The following PLK3 variants were observed in gnomAD, a reference collection of about 807,000 sequenced individuals.
PLK3 encodes the protein serine/threonine-protein kinase PLK3.
In PLK3, 41 loss-of-function variants were observed where a neutral mutation model predicts 71.6. The observed-to-expected ratio is 0.57, with a 90% confidence interval of 0.45 to 0.74. The LOEUF (loss-of-function observed/expected upper bound fraction) is 0.74, where lower values mean the gene tolerates loss of function less well. PLK3 is among the 30% of genes least tolerant of loss of function. PLK3 has a pLI of 0.00. For synonymous variants in PLK3, 366 were observed against 355.4 expected (o/e 1.03, Z -0.33); for missense variants, 791 against 875.6 (o/e 0.90, Z 1.22).
At position 44,803,833 on chromosome 1, in the gene PLK3, C is replaced by T. The variant is rs1651920093; in HGVS notation, c.1165-98C>T. On this transcript the variant is annotated intron_variant, in intron 9 of 14. Transcript: ENST00000372201. This position sits in a 1 kb window ranked among gnomAD's most constrained non-coding sequence, Gnocchi z 4.3. ...TGTGTCACCAGCCTGGCGGGGCTGA[C>T]CTGGGGTGCCCTGGGAGCCAGGGCA... is the stretch of plus-strand genomic sequence containing the variant. 1.8e-6 allele frequency: 2 copies of T among 1,135,290 alleles called. No homozygotes were observed. Among genetic ancestry groups the T allele is most frequent in the African/African-American group, 1.5e-5 (1 of 65,074 alleles). 70.3% of individuals were successfully genotyped at this position (1,135,290 alleles called of 1,614,324 possible).
chr1:44,804,925 G>T, intron 13 of PLK3, 146 bp downstream of exon 13: 1 of 733,560 alleles, frequency 1.4e-6, no homozygotes, highest in South Asian at 1.7e-5. Flanking sequence ...CTAACAAGGT[G>T]AAACCCCGTC....
In PLK3 at chr1:44,801,616, C is replaced by T. The variant is rs1651832254; in HGVS notation, c.436-6C>T. 6.2e-7 allele frequency: 1 copy of T among 1,613,048 alleles called. No homozygotes were observed. Among genetic ancestry groups the T allele is most frequent in the Non-Finnish European group, 8.5e-7 (1 of 1,179,696 alleles). On this transcript the variant is annotated splice_region_variant and splice_polypyrimidine_tract_variant and intron_variant, in intron 3 of 14. Transcript: ENST00000372201. ...CACCAGGGGCTGAGGCAGTGGCTCT[C>T]TGCAGTCCCTGGCCCACATCTGGAA... is the stretch of plus-strand genomic sequence containing the variant.
At position 44,803,345 on chromosome 1, in the gene PLK3, T is replaced by C; in HGVS notation, c.1026T>C (p.Ser342=). 1 of 1,613,496 alleles carries C rather than the reference T, an allele frequency of 6.2e-7. No individual in the cohort carries two copies. Among genetic ancestry groups the C allele is most frequent in the Non-Finnish European group, 8.5e-7 (1 of 1,179,900 alleles). ...TGACACCCCCCAACCCAGCTAGGAGTCTGTTTGCCAAAGTTACCAAGAGCC... is the reference window on the plus strand; with the variant it reads ...TGACACCCCCCAACCCAGCTAGGAGCCTGTTTGCCAAAGTTACCAAGAGCC... ...PDLTPPNPAR[S]LFAKVTKSLF... The change falls in exon 8 of 15, where the codon AGT becomes AGC. Residue 342 remains serine (S), a synonymous_variant. Coordinates refer to ENST00000372201, the MANE Select transcript of PLK3 (RefSeq NM_004073.4). This position sits in a 1 kb window ranked among gnomAD's most constrained non-coding sequence, Gnocchi z 4.3.
Position 44,800,574 on chromosome 1 carries a change from G to A in PLK3, c.111G>A (p.Glu37=), listed in dbSNP as rs568357012. The A allele has an allele frequency of 5.9e-6, 9 of 1,534,628 alleles. No individual in the cohort carries two copies. Among genetic ancestry groups the A allele is most frequent in the African/African-American group, 4.1e-5 (3 of 72,456 alleles). The change falls in exon 1 of 15, where the codon GAG becomes GAA. Residue 37 remains glutamate (E), a synonymous_variant. Transcript: ENST00000372201. This position sits in a 1 kb window ranked among gnomAD's most constrained non-coding sequence, Gnocchi z 6.5. ...CTCCGAGTGCCTTGCGCGGACCTGA[G>A]CTGGAGATGCTGGCCGGGCTACCGA... The part of the protein sequence containing the change: ...GPPPSALRGP[E]LEMLAGLPTS...
Position 44,803,273 on chromosome 1 carries a change from C to A in PLK3, c.954C>A (p.Tyr318Ter). 6.2e-7 allele frequency: 1 copy of A among 1,614,098 alleles called. No homozygotes were observed. The change falls in exon 8 of 15, where the codon TAC becomes TAA. Residue 318 changes from tyrosine to a stop codon, truncating the protein, a stop_gained. Transcript: ENST00000372201. LOFTEE classifies it high-confidence loss of function. The surrounding 1 kb of genome is among the most constrained non-coding windows in gnomAD (Gnocchi z 4.3). ...CACATGGTTCCCCTCCCTAGGGCTA[C>A]ACCCCCGATCGACTCCCTATCAGCA... is the stretch of plus-strand genomic sequence containing the variant. ...ILRHDFFTKG[Y>*]TPDRLPISSC...
At chr1:44,801,357 G>A (rs1651824451) in intron 3 of PLK3, among the ~76,000 whole-genome samples, 1 of 151,896 alleles carries the variant, frequency 6.6e-6, no homozygotes. Context: ...TTACAGGCAT[G>A]CACCACCACG....
Position 44,803,698 on chromosome 1 carries a change from C to T in PLK3, c.1164+7C>T, listed in dbSNP as rs1038790048. ...TCAGGATGCCAGGCCAGAGGTGAGGCGCTCAGGTGGACACTGTTCCCCTGA... is the reference window on the plus strand; with the variant it reads ...TCAGGATGCCAGGCCAGAGGTGAGGTGCTCAGGTGGACACTGTTCCCCTGA... On this transcript the variant is annotated splice_region_variant and intron_variant, in intron 9 of 14. Transcript: ENST00000372201. The surrounding 1 kb of genome is among the most constrained non-coding windows in gnomAD (Gnocchi z 4.3). The T allele has an allele frequency of 3.7e-6, 6 of 1,601,176 alleles. No homozygotes were observed. The highest frequency in any genetic ancestry group is 5.1e-6 in the Non-Finnish European group (6 of 1,170,496).
chr1:44,800,970 AG>A lies in PLK3; in HGVS notation c.318+27del, dbSNP rs753160403. 19 of 1,607,854 alleles carry A rather than the reference AG, an allele frequency of 1.2e-5. No homozygotes were observed. The highest frequency in any genetic ancestry group is 1.7e-4 in the Middle Eastern group (1 of 6,056). ...AAGGTGGGTCCAGGCTCAGCGGGCGAGGGGTGGGGTGGGGACGGTGGCATGG... is the reference window on the plus strand; with the variant it reads ...AAGGTGGGTCCAGGCTCAGCGGGCGAGGGTGGGGTGGGGACGGTGGCATGG... On this transcript the variant is annotated intron_variant, in intron 2 of 14. Transcript: ENST00000372201. The surrounding 1 kb of genome is among the most constrained non-coding windows in gnomAD (Gnocchi z 6.5).
Position 44,802,705 on chromosome 1 carries a change from G to A in PLK3, c.654-55G>A, listed in dbSNP as rs1338429009. 1.5e-5 allele frequency: 18 copies of A among 1,215,544 alleles called. No homozygotes were observed. In the Admixed American group the frequency reaches 1.5e-4, roughly 10 times the overall value. The allele number at this position is 1,215,544 out of a possible 1,614,324, so 75.3% of individuals were successfully genotyped here. On this transcript the variant is annotated intron_variant, in intron 5 of 14. Transcript: ENST00000372201. ...TGGACTAACAGTGGGGGAAGGAGTC[G>A]GGGGGCTGCTGGGCTGGGTCTCAGC...
Position 44,805,683 on chromosome 1 carries a change from C to T in PLK3, c.*5C>T, listed in dbSNP as rs1311188668. 1 of 1,610,252 alleles carries T rather than the reference C, an allele frequency of 6.2e-7. No individual in the cohort carries two copies. Among genetic ancestry groups the T allele is most frequent in the East Asian group, 2.2e-5 (1 of 44,892 alleles). ...CGGGACCGCAGCCCAGCCTAGGACCCAAGCCCTGAGGCCTGAGGCCTGTGC... is the reference window on the plus strand; with the variant it reads ...CGGGACCGCAGCCCAGCCTAGGACCTAAGCCCTGAGGCCTGAGGCCTGTGC... On this transcript the variant is annotated 3_prime_UTR_variant, in exon 15 of 15. Coordinates refer to ENST00000372201, the MANE Select transcript of PLK3 (RefSeq NM_004073.4).
chr1:44,801,824 C>T, intron 4 of PLK3, 21 bp from the exon 5 acceptor site: 2 of 1,611,470 alleles, frequency 1.2e-6, no homozygotes, highest in South Asian at 2.2e-5. Context: ...GAATCTGACA[C>T]ACCTCTCTTG....
chr1:44,803,990 C>T lies in PLK3; in HGVS notation c.1224C>T (p.Ser408=), dbSNP rs755669747. The change falls in exon 10 of 15, where the codon AGC becomes AGT. Residue 408 remains serine (S), a synonymous_variant. Transcript: ENST00000372201. The surrounding 1 kb of genome is among the most constrained non-coding windows in gnomAD (Gnocchi z 4.3). ...TGGTAGAGACAGCACCTGAAGACAG[C>T]TCACCCCGTGGGACACTGGCAAGCA... ...VSLVETAPED[S]SPRGTLASSG... 1 of 1,553,738 alleles carries T rather than the reference C, an allele frequency of 6.4e-7. No individual in the cohort carries two copies. Among genetic ancestry groups the T allele is most frequent in the South Asian group, 1.2e-5 (1 of 84,670 alleles).
chr1:44,803,906 T>C lies in PLK3; in HGVS notation c.1165-25T>C, dbSNP rs762893687. The C allele has an allele frequency of 2.6e-6, 4 of 1,511,032 alleles. No homozygotes were observed. In the African/African-American group the frequency reaches 4.2e-5, roughly 16 times the overall value. The allele number at this position is 1,511,032 out of a possible 1,614,324, so 93.6% of individuals were successfully genotyped here. ...GTTTGGATTTTGGGGCCTGTGTCAC[T>C]CCCTTTCCCTGCCCAACCCTCCAGG... On this transcript the variant is annotated intron_variant, in intron 9 of 14. Transcript: ENST00000372201. The surrounding 1 kb of genome is among the most constrained non-coding windows in gnomAD (Gnocchi z 4.3).
At position 44,805,812 on chromosome 1, in the gene PLK3, G is replaced by A; in HGVS notation, c.*134G>A. The A allele has an allele frequency of 1.5e-6, 2 of 1,298,294 alleles. No individual in the cohort carries two copies. The highest frequency in any genetic ancestry group is 1.0e-6 in the Non-Finnish European group (1 of 963,092). The allele number at this position is 1,298,294 out of a possible 1,614,324, so 80.4% of individuals were successfully genotyped here. ...CAGGGAATCAGGGACCAGCTTTACTGGAGTTGGGGGCGGCTTGTCTTCGCT... is the reference window on the plus strand; with the variant it reads ...CAGGGAATCAGGGACCAGCTTTACTAGAGTTGGGGGCGGCTTGTCTTCGCT... On this transcript the variant is annotated 3_prime_UTR_variant, in exon 15 of 15. Transcript: ENST00000372201.
Position 44,803,014 on chromosome 1 carries a change from G to T in PLK3, c.809G>T (p.Arg270Leu). The T allele has an allele frequency of 6.2e-7, 1 of 1,614,004 alleles. No individual in the cohort carries two copies. Among genetic ancestry groups the T allele is most frequent in the Non-Finnish European group, 8.5e-7 (1 of 1,179,978 alleles). ...ACGGCTGACCTGAAGGAGACGTACCGCTGCATCAAGCAGGTTCACTACACG... is the reference window on the plus strand; with the variant it reads ...ACGGCTGACCTGAAGGAGACGTACCTCTGCATCAAGCAGGTTCACTACACG... ...FETADLKETY[R>L]CIKQVHYTLP... Residue 270 changes from arginine (R) to leucine (L), a missense_variant, in exon 7 of 15, where the codon CGC (arginine) becomes CTC (leucine). Physicochemically the swap from Arg to Leu is moderately radical, Grantham distance 102 (BLOSUM62 -2). Coordinates refer to ENST00000372201, the MANE Select transcript of PLK3 (RefSeq NM_004073.4). This position sits in a 1 kb window ranked among gnomAD's most constrained non-coding sequence, Gnocchi z 4.3.
rs756820759 is a variant in PLK3, at chr1:44,803,998, G to A, written c.1232G>A (p.Arg411His). ...ACAGCACCTGAAGACAGCTCACCCCGTGGGACACTGGCAAGCAGTGGAGAT... is the reference window on the plus strand; with the variant it reads ...ACAGCACCTGAAGACAGCTCACCCCATGGGACACTGGCAAGCAGTGGAGAT... ...VETAPEDSSP[R>H]GTLASSGDGF... The change falls in exon 10 of 15, where the codon CGT (arginine) becomes CAT (histidine). Residue 411 changes from arginine (R) to histidine (H), a missense_variant. Arg to His is a conservative substitution (Grantham distance 29). Transcript: ENST00000372201. This position sits in a 1 kb window ranked among gnomAD's most constrained non-coding sequence, Gnocchi z 4.3. The A allele has an allele frequency of 1.9e-5, 29 of 1,554,384 alleles. No individual in the cohort carries two copies. The highest frequency in any genetic ancestry group is 5.9e-5 in the Admixed American group (3 of 51,188).
At chr1:44,802,706 G>C (rs1557622590) in intron 5 of PLK3, 54 bp from the exon 6 acceptor site, 1 of 1,236,398 alleles carries the variant, frequency 8.1e-7, no homozygotes, top group Non-Finnish European at 1.2e-6. Context: ...GAAGGAGTCG[G>C]GGGGCTGCTG....
rs778751490 is a variant in PLK3, at chr1:44,805,609, C to A, written c.1872C>A (p.Gly624=). ...TCGCTTCCCACCTTCGGCAGCTGGG[C>A]TGCTCTCCAGACCTGCGGCAGCGAC... is the stretch of plus-strand genomic sequence containing the variant. ...TYLASHLRQL[G]CSPDLRQRLR... The change falls in exon 15 of 15, where the codon GGC becomes GGA. Residue 624 remains glycine, a synonymous_variant. Coordinates refer to ENST00000372201, the MANE Select transcript of PLK3 (RefSeq NM_004073.4). 3.6e-5 allele frequency: 58 copies of A among 1,613,964 alleles called. No homozygotes were observed. The highest frequency in any genetic ancestry group is 4.7e-5 in the Non-Finnish European group (56 of 1,179,912).
intron 12 of PLK3, 36 bp downstream of exon 12, chr1:44,804,537 AC>A: frequency 6.2e-7 from 1 of 1,610,758 alleles, no homozygotes; most frequent in Non-Finnish European, 8.5e-7. Flanking sequence ...TATTCAGGCC[AC>A]TAATCCAGCA....
Sources: gnomAD v4.1 joint callset for allele counts (sites outside exome capture counted in the v4.1 genomes callset) on GRCh38, gnomAD v4.1.1 for gene constraint, Gnocchi (gnomAD v3.1) non-coding constraint, MANE v1.5 for transcripts, NCBI Gene and HGNC (gene_info 2026-07-23, HGNC 2026-07-21) for gene names.